The following ITGB4 variants were observed in gnomAD, a reference collection of about 807,000 sequenced individuals.
The protein encoded by ITGB4 is integrin beta-4.
In ITGB4, 159 loss-of-function variants were observed where a neutral mutation model predicts 207.6. The ratio of observed to expected loss-of-function variants is 0.77; its 90% CI spans 0.67 to 0.87. ITGB4 has a LOEUF of 0.87. Ranked by LOEUF, ITGB4 falls within the 40% of genes least tolerant of loss-of-function variation. ITGB4 has a pLI of 0.00. For missense variants in ITGB4, 2,278 were observed against 2,546.8 expected (o/e 0.89, Z 2.27); for synonymous variants, 1,020 against 1,062.7 (o/e 0.96, Z 0.78).
chr17:75,734,703 C>T (rs1053837972), intron 13 of ITGB4, among the ~76,000 whole-genome samples: 3 of 152,232 alleles, frequency 2.0e-5, no homozygotes, highest in Non-Finnish European at 4.4e-5. Flanking sequence ...TCTGTTCTTG[C>T]TTTTGTTCAC....
At chr17:75,733,443 A>T in intron 12 of ITGB4, 47 bp from the exon 13 acceptor site, 1 of 1,518,520 alleles carries the variant, frequency 6.6e-7, no homozygotes, top group South Asian at 1.1e-5. Flanking sequence ...CAAAAGCCCC[A>T]GCTTTCCTCC....
chr17:75,751,223 C>A, intron 30 of ITGB4, 112 bp downstream of exon 30: 9 of 1,266,474 alleles, frequency 7.1e-6, no homozygotes, highest in Non-Finnish European at 1.0e-5. Flanking sequence ...GCAGGGCACT[C>A]GAGGCCTTCA....
Position 75,729,205 on chromosome 17 carries a change from C to A in ITGB4, c.567-60C>A. 2.0e-6 allele frequency: 3 copies of A among 1,514,020 alleles called. No homozygotes were observed. Among genetic ancestry groups the A allele is most frequent in the Non-Finnish European group, 2.7e-6 (3 of 1,095,498 alleles). The allele number at this position is 1,514,020 out of a possible 1,614,324, so 93.8% of individuals were successfully genotyped here. On this transcript the variant is annotated intron_variant, in intron 6 of 39. Coordinates refer to ENST00000200181, the MANE Select transcript of ITGB4 (RefSeq NM_000213.5). This position sits in a 1 kb window ranked among gnomAD's most constrained non-coding sequence, Gnocchi z 4.4. ...CCTTCTAGTTGAAACGAGCCAGGGGCACTGGGGTCTGCGGCGTCTTCCCCC... is the reference window on the plus strand; with the variant it reads ...CCTTCTAGTTGAAACGAGCCAGGGGAACTGGGGTCTGCGGCGTCTTCCCCC...
chr17:75,733,642 G>T lies in ITGB4; in HGVS notation c.1607G>T (p.Cys536Phe). 1 of 1,614,212 alleles carries T rather than the reference G, an allele frequency of 6.2e-7. No individual in the cohort carries two copies. The highest frequency in any genetic ancestry group is 1.3e-5 in the African/African-American group (1 of 75,074). Residue 536 changes from cysteine to phenylalanine, a missense_variant, in exon 13 of 40, where the codon TGC (cysteine) becomes TTC (phenylalanine). By Grantham distance (205) the Cys-to-Phe change is radical (BLOSUM62 -2). Transcript: ENST00000200181. ...YGEGRYEGQFCEYDNFQCPRT... is the reference protein window; with the variant it reads ...YGEGRYEGQFFEYDNFQCPRT... ...GAAGGCCGCTACGAGGGTCAGTTCTGCGAGTATGACAACTTCCAGTGTCCC... is the reference window on the plus strand; with the variant it reads ...GAAGGCCGCTACGAGGGTCAGTTCTTCGAGTATGACAACTTCCAGTGTCCC...
rs371215122 is a variant in ITGB4 at position 75,742,433 on chromosome 17, G to A, written c.2726G>A (p.Arg909Lys). 1.9e-6 allele frequency: 3 copies of A among 1,613,280 alleles called. No individual in the cohort carries two copies. The highest frequency in any genetic ancestry group is 2.5e-6 in the Non-Finnish European group (3 of 1,179,916). Reference protein sequence around the residue: ...LKLTEKQVEQRAFHDLKVAPG... With the variant: ...LKLTEKQVEQKAFHDLKVAPG... ...CTTACAGAGAAGCAGGTGGAACAGA[G>A]GGCCTTCCACGACCTCAAGGTGGCC... The change falls in exon 24 of 40, where the codon AGG (arginine) becomes AAG (lysine). Residue 909 changes from arginine to lysine, a missense_variant. Transcript: ENST00000200181. This position sits in a 1 kb window ranked among gnomAD's most constrained non-coding sequence, Gnocchi z 5.9.
At chr17:75,755,646 C>G (rs1357224077) in intron 34 of ITGB4, 55 bp from the exon 35 acceptor site, 1 of 1,607,988 alleles carries the variant, frequency 6.2e-7, no homozygotes, top group African/African-American at 1.3e-5. Context: ...CACTGTGACT[C>G]CCACTGAGAC....
At chr17:75,744,917 C>A (rs2095924635) in intron 26 of ITGB4, among the ~76,000 whole-genome samples, 1 of 150,660 alleles carries the variant, frequency 6.6e-6, no homozygotes, top group South Asian at 2.1e-4. Context: ...GAGTGAGCTA[C>A]CACGCCCGGC....
intron 16 of ITGB4, among the ~76,000 whole-genome samples, 171 bp from the exon 17 acceptor site, chr17:75,737,151 C>G (rs548865230): frequency 4.0e-4 from 61 of 152,314 alleles, no homozygotes; most frequent in African/African-American, 1.3e-3. Flanking sequence ...CCCCACCACA[C>G]CCGTTCCTGT....
In ITGB4 at chr17:75,730,977, C is replaced by G. The variant is rs775893106; in HGVS notation, c.1092+13C>G. On this transcript the variant is annotated intron_variant, in intron 9 of 39. Coordinates refer to ENST00000200181, the MANE Select transcript of ITGB4 (RefSeq NM_000213.5). ...GGAGGCCTTCAATGTGAGGGCAGCT[C>G]AGGCTCCAGAGTCTGAGCCCTTCTG... 4 of 1,610,052 alleles carry G rather than the reference C, an allele frequency of 2.5e-6. No individual in the cohort carries two copies. The South Asian group carries it at 3.3e-5, about 13-fold the overall frequency.
chr17:75,726,351 A>G (rs1379004958), intron 2 of ITGB4, among the ~76,000 whole-genome samples: 1 of 152,156 alleles, frequency 6.6e-6, no homozygotes, highest in Non-Finnish European at 1.5e-5. Context: ...GCCTGAGCCC[A>G]GGATGTCGAG....
In ITGB4 at chr17:75,731,089, G is replaced by A. The variant is rs2060846049; in HGVS notation, c.1092+125G>A. On this transcript the variant is annotated intron_variant, in intron 9 of 39. Coordinates refer to ENST00000200181, the MANE Select transcript of ITGB4 (RefSeq NM_000213.5). This position sits in a 1 kb window ranked among gnomAD's most constrained non-coding sequence, Gnocchi z 6.8. Reference sequence around the variant, plus strand: ...GTCTGGGACAGACCAGTGAGGAAGGGTCTCTAGCTATCCCTGAGGCCCCGA... The same window carrying A: ...GTCTGGGACAGACCAGTGAGGAAGGATCTCTAGCTATCCCTGAGGCCCCGA... 4 of 1,420,180 alleles carry A rather than the reference G, an allele frequency of 2.8e-6. No homozygotes were observed. The South Asian group carries it at 4.8e-5, about 17-fold the overall frequency. 88.0% of individuals were successfully genotyped at this position (1,420,180 alleles called of 1,614,324 possible).
In ITGB4 at chr17:75,752,280, G is replaced by A. The variant is rs773173766; in HGVS notation, c.3900G>A (p.Ala1300=). 9.9e-6 allele frequency: 16 copies of A among 1,613,378 alleles called. No homozygotes were observed. In the East Asian group the frequency reaches 1.3e-4, roughly 13 times the overall value. The part of the protein sequence containing the change: ...ESQPYRYTVK[A]RNGAGWGPER... Reference sequence around the variant, plus strand: ...AGCCCTACCGCTACACGGTGAAGGCGCGCAACGGGGCCGGCTGGGGGCCTG... The same window carrying A: ...AGCCCTACCGCTACACGGTGAAGGCACGCAACGGGGCCGGCTGGGGGCCTG... The change falls in exon 31 of 40, where the codon GCG becomes GCA. Residue 1300 remains alanine, a synonymous_variant. Transcript: ENST00000200181.
Position 75,731,187 on chromosome 17 carries a change from G to T in ITGB4, c.1093-59G>T, listed in dbSNP as rs2148478467. On this transcript the variant is annotated intron_variant, in intron 9 of 39. Transcript: ENST00000200181. The surrounding 1 kb of genome is among the most constrained non-coding windows in gnomAD (Gnocchi z 6.8). ...CGCATGATGCCAGCCACACTTGGAG[G>T]TTGGGGTGGAGCACAGAGGCCCCCC... The T allele has an allele frequency of 6.2e-7, 1 of 1,612,548 alleles. No individual in the cohort carries two copies. Among genetic ancestry groups the T allele is most frequent in the Non-Finnish European group, 8.5e-7 (1 of 1,179,766 alleles).
At chr17:75,745,921 G>A (rs1173968166) in intron 26 of ITGB4, among the ~76,000 whole-genome samples, 2 of 151,972 alleles carry the variant, frequency 1.3e-5, no homozygotes, top group East Asian at 1.9e-4. Flanking sequence ...ATAAAGTCTC[G>A]CCTCCCTGGG....
At position 75,740,903 on chromosome 17, in the gene ITGB4, C is replaced by G. The variant is rs1046906183; in HGVS notation, c.2609+52C>G. The G allele has an allele frequency of 6.2e-7, 1 of 1,612,302 alleles. No homozygotes were observed. ...TGGGGGAGCCGCTCCTACCGGGACTCCAGGAGCCGAAGCCCCCAGGCCGAT... is the reference window on the plus strand; with the variant it reads ...TGGGGGAGCCGCTCCTACCGGGACTGCAGGAGCCGAAGCCCCCAGGCCGAT... On this transcript the variant is annotated intron_variant, in intron 22 of 39. Transcript: ENST00000200181. The surrounding 1 kb of genome is among the most constrained non-coding windows in gnomAD (Gnocchi z 5.9).
At chr17:75,741,076 C>T (rs922575748) in intron 23 of ITGB4, 71 bp downstream of exon 23, 47 of 1,541,100 alleles carry the variant, frequency 3.0e-5, no homozygotes, top group East Asian at 2.3e-4. Context: ...GCCACTGCCT[C>T]GTCCGTCCCT....
intron 26 of ITGB4, among the ~76,000 whole-genome samples, chr17:75,747,353 C>T (rs1303055146): frequency 6.6e-6 from 1 of 152,050 alleles, no homozygotes; most frequent in Non-Finnish European, 1.5e-5. Flanking sequence ...GTGGCACACG[C>T]CTGTAATCTC....
rs775119929 is a variant in ITGB4, at chr17:75,740,423, C to T, written c.2512C>T (p.Arg838Trp). The T allele has an allele frequency of 5.0e-6, 8 of 1,613,724 alleles. No homozygotes were observed. The highest frequency in any genetic ancestry group is 2.2e-5 in the East Asian group (1 of 44,874). ...CGAGAACCTGCTGAAGCCTGACACT[C>T]GGGAGTGCGCCCAGCTGCGCCAGGA... ...CTENLLKPDT[R>W]ECAQLRQEVE... is the part of the protein sequence containing the mutation. Residue 838 changes from arginine to tryptophan, a missense_variant, in exon 21 of 40, where the codon CGG becomes TGG. By Grantham distance (101) the Arg-to-Trp change is moderately radical. Coordinates refer to ENST00000200181, the MANE Select transcript of ITGB4 (RefSeq NM_000213.5). This position sits in a 1 kb window ranked among gnomAD's most constrained non-coding sequence, Gnocchi z 5.9.
rs1468780095 is a variant in ITGB4, at chr17:75,750,572, G to A, written c.3475-108G>A. The A allele has an allele frequency of 2.9e-5, 29 of 1,010,000 alleles. No individual in the cohort carries two copies. Among genetic ancestry groups the A allele is most frequent in the Non-Finnish European group, 3.5e-5 (23 of 661,508 alleles). The allele number at this position is 1,010,000 out of a possible 1,614,324, so 62.6% of individuals were successfully genotyped here. A position where few individuals can be genotyped will look rare whatever the true frequency, so the allele number is the denominator to read the frequency against. Reference sequence around the variant, plus strand: ...TGGCAGATCTCTCAGCCCCTCCCTCGGGCCTCATCTGTGCAAAGAGGACAG... The same window carrying A: ...TGGCAGATCTCTCAGCCCCTCCCTCAGGCCTCATCTGTGCAAAGAGGACAG... On this transcript the variant is annotated intron_variant, in intron 28 of 39. Transcript: ENST00000200181. The surrounding 1 kb of genome is among the most constrained non-coding windows in gnomAD (Gnocchi z 5.5).
Sources: allele counts gnomAD v4.1 joint callset (sites outside exome capture counted in the v4.1 genomes callset), GRCh38; gene constraint gnomAD v4.1.1; non-coding constraint Gnocchi (gnomAD v3.1); transcripts MANE v1.5; gene names NCBI Gene and HGNC (gene_info 2026-07-23, HGNC 2026-07-21).